The following CRYBG1 variants were observed in gnomAD, a reference collection of about 807,000 sequenced individuals.
CRYBG1 encodes the protein beta/gamma crystallin domain-containing protein 1.
A neutral mutation model predicts 189.2 loss-of-function variants in CRYBG1; 139 were observed. The observed-to-expected ratio is 0.73, with a 90% CI of 0.64 to 0.85. The LOEUF is 0.85. Among genes scored for constraint, CRYBG1 ranks in the 40% least tolerant of loss-of-function variants. CRYBG1 has a pLI of 0.00. For missense variants in CRYBG1, 2,611 were observed against 2,675.8 expected (o/e 0.98, Z 0.53); for synonymous variants, 1,023 against 1,017.1 (o/e 1.01, Z -0.11).
At chr6:106,422,195 C>T (rs1326525844) in intron 1 of CRYBG1, among the ~76,000 whole-genome samples, 5 of 152,162 alleles carry the variant, frequency 3.3e-5, no homozygotes, top group Non-Finnish European at 7.4e-5. Context: ...AGCCTATCCA[C>T]ACATATTTCC....
chr6:106,415,688 T>C (rs1771009489), intron 1 of CRYBG1, among the ~76,000 whole-genome samples: 1 of 151,890 alleles, frequency 6.6e-6, no homozygotes, highest in African/African-American at 2.4e-5. Context: ...ATCATACCAC[T>C]GCACTCCAGC....
At chr6:106,478,183 C>T (rs149225108) in intron 2 of CRYBG1, among the ~76,000 whole-genome samples, 20 of 152,270 alleles carry the variant, frequency 1.3e-4, no homozygotes, top group Admixed American at 3.9e-4. Flanking sequence ...GGGTTATATC[C>T]GCGCACCACA....
At position 106,569,176 on chromosome 6, in the gene CRYBG1, A is replaced by AAATT. The variant is rs563618309; in HGVS notation, c.*614_*617dup. Reference sequence around the variant, plus strand: ...ACTATTTTCCTTTAGTTCATATTAAAAATTAATACATTTTAAAAATTTAAT... The same window carrying AAATT: ...ACTATTTTCCTTTAGTTCATATTAAAAATTAATTAATACATTTTAAAAATTTAAT... On this transcript the variant is annotated 3_prime_UTR_variant, in exon 22 of 22. Coordinates refer to ENST00000633556, the MANE Select transcript of CRYBG1 (RefSeq NM_001371242.2). 35 of 152,348 alleles carry AAATT rather than the reference A, an allele frequency of 2.3e-4. No individual in the cohort carries two copies. In the East Asian group the frequency reaches 6.4e-3, roughly 28 times the overall value. 9.4% of individuals were successfully genotyped at this position (152,348 alleles called of 1,614,324 possible).
rs755294260 is a variant in CRYBG1 at position 106,521,209 on chromosome 6, C to T, written c.4001C>T (p.Pro1334Leu). Residue 1334 changes from proline to leucine, a missense_variant, in exon 4 of 22, where the codon CCG (proline) becomes CTG (leucine). Pro to Leu is a moderately conservative substitution (Grantham distance 98). This residue lies in a region of CRYBG1 where 1,622 missense variants were observed against 1,735.0 expected (regional missense o/e 0.93). Transcript: ENST00000633556. ...AGTCCAAGCCACATGGAAAAATACC[C>T]GCAAAAAGAGAAAACCAAAGAAGAT... ...LKSPSHMEKY[P>L]QKEKTKEDLD... 9.3e-6 allele frequency: 15 copies of T among 1,613,968 alleles called. No homozygotes were observed. Among genetic ancestry groups the T allele is most frequent in the African/African-American group, 2.7e-5 (2 of 74,974 alleles).
intron 2 of CRYBG1, among the ~76,000 whole-genome samples, chr6:106,482,281 C>T (rs1055830920): frequency 6.6e-6 from 1 of 152,232 alleles, no homozygotes; most frequent in African/African-American, 2.4e-5. Context: ...CTAATTAGGT[C>T]AGGCCTACTC....
At chr6:106,496,118 G>T (rs568904951) in intron 2 of CRYBG1, among the ~76,000 whole-genome samples, 1 of 152,198 alleles carries the variant, frequency 6.6e-6, no homozygotes, top group East Asian at 1.9e-4. Context: ...ATTTTATTTG[G>T]ACACAAAAAT....
intron 1 of CRYBG1, among the ~76,000 whole-genome samples, chr6:106,369,872 G>A (rs1769982572): frequency 6.6e-6 from 1 of 152,186 alleles, no homozygotes. Flanking sequence ...AGGCACAGAG[G>A]GGTATGATTA....
In CRYBG1 at chr6:106,511,524, A is replaced by C. The variant is rs1031208510; in HGVS notation, c.407A>C (p.Asn136Thr). The change falls in exon 3 of 22, where the codon AAC becomes ACC. Residue 136 changes from asparagine (N) to threonine (T), a missense_variant. Physicochemically the swap from Asn to Thr is moderately conservative, Grantham distance 65. Transcript: ENST00000633556. Reference sequence around the variant, plus strand: ...GCAGGAAGGAGAAGAAACAGTAGAAACGGGTTAGAGAGTCCCACCAGATCA... The same window carrying C: ...GCAGGAAGGAGAAGAAACAGTAGAACCGGGTTAGAGAGTCCCACCAGATCA... Reference protein sequence around the residue: ...FTAGRRRNSRNGLESPTRSNA... With the variant: ...FTAGRRRNSRTGLESPTRSNA... 6.5e-7 allele frequency: 1 copy of C among 1,535,642 alleles called. No homozygotes were observed. Among genetic ancestry groups the C allele is most frequent in the African/African-American group, 1.4e-5 (1 of 73,024 alleles).
chr6:106,530,993 T>C (rs555547033), intron 8 of CRYBG1, among the ~76,000 whole-genome samples: 12 of 152,344 alleles, frequency 7.9e-5, no homozygotes, highest in Admixed American at 5.2e-4. Context: ...TTTTCTAATA[T>C]GCATAATGTA....
In CRYBG1 at chr6:106,570,705, C is replaced by T. The variant is rs945069948; in HGVS notation, c.*2139C>T. 1 of 152,064 alleles carries T rather than the reference C, an allele frequency of 6.6e-6. No homozygotes were observed. Among genetic ancestry groups the T allele is most frequent in the Non-Finnish European group, 1.5e-5 (1 of 67,986 alleles). The allele number at this position is 152,064 out of a possible 1,614,324, so 9.4% of individuals were successfully genotyped here. ...GAGCCCTCCAGGAAAAGAGCTGAGG[C>T]TGCTCCAGATGGAAGTCAAGAGCAG... On this transcript the variant is annotated 3_prime_UTR_variant, in exon 22 of 22. Transcript: ENST00000633556.
intron 4 of CRYBG1, among the ~76,000 whole-genome samples, chr6:106,522,103 G>A (rs1238648803): frequency 1.3e-5 from 2 of 152,172 alleles, no homozygotes; most frequent in Admixed American, 6.5e-5. Flanking sequence ...AGCTTTTAGA[G>A]TTCAGAGACA....
intron 1 of CRYBG1, among the ~76,000 whole-genome samples, chr6:106,374,166 C>T (rs1363994917): frequency 6.6e-6 from 1 of 152,206 alleles, no homozygotes; most frequent in Non-Finnish European, 1.5e-5. Context: ...AATTGAGTCT[C>T]ACTCCCCTAT....
At chr6:106,476,913 G>A (rs1772344956) in intron 2 of CRYBG1, among the ~76,000 whole-genome samples, 1 of 152,158 alleles carries the variant, frequency 6.6e-6, no homozygotes. Flanking sequence ...TGGACTAGTT[G>A]CTAAACCTTG....
intron 2 of CRYBG1, among the ~76,000 whole-genome samples, chr6:106,476,397 G>A (rs552600990): frequency 3.8e-4 from 58 of 152,188 alleles, no homozygotes; most frequent in African/African-American, 1.3e-3. Flanking sequence ...TTCTATAAAC[G>A]TCAAGGCCCT....
chr6:106,510,636 T>C (rs1256598645), intron 2 of CRYBG1, among the ~76,000 whole-genome samples: 1 of 152,142 alleles, frequency 6.6e-6, no homozygotes, highest in Non-Finnish European at 1.5e-5. Flanking sequence ...CCCAAGCGCA[T>C]CCTTCAGCCA....
intron 2 of CRYBG1, among the ~76,000 whole-genome samples, chr6:106,492,971 AT>A (rs61116633): frequency 0.37 from 53,854 of 147,178 alleles, 9,916 homozygotes; most frequent in African/African-American, 0.47. Flanking sequence ...TCTATTTTTA[AT>A]TTTTTTTTTT....
At chr6:106,401,866 T>A (rs1770727045) in intron 1 of CRYBG1, among the ~76,000 whole-genome samples, 1 of 150,866 alleles carries the variant, frequency 6.6e-6, no homozygotes, top group African/African-American at 2.5e-5. Flanking sequence ...GCAATAAACA[T>A]ACGTGTGCAT....
intron 1 of CRYBG1, among the ~76,000 whole-genome samples, chr6:106,407,883 G>A (rs912502759): frequency 5.9e-5 from 9 of 152,112 alleles, no homozygotes; most frequent in Non-Finnish European, 1.2e-4. Context: ...AGTGTCAAGA[G>A]GGAAATTTAT....
At chr6:106,558,398 G>C in intron 17 of CRYBG1, 88 bp from the exon 18 acceptor site, 1 of 1,187,094 alleles carries the variant, frequency 8.4e-7, no homozygotes. Flanking sequence ...GATTTTTTGT[G>C]CTTTGTCCTT....
Sources: gnomAD v4.1 joint callset for allele counts (sites outside exome capture counted in the v4.1 genomes callset) on GRCh38, gnomAD v4.1.1 for gene constraint, gnomAD v4.1.1 regional missense constraint, MANE v1.5 for transcripts, NCBI Gene and HGNC (gene_info 2026-07-23, HGNC 2026-07-21) for gene names.